Variants in POU6F2 observed in about 807,000 individuals in gnomAD.
POU6F2 encodes the protein POU class 6 homeobox 2.
In POU6F2, 31 loss-of-function variants were observed where a neutral mutation model predicts 71.3. The observed-to-expected ratio is 0.43, with a 90% CI of 0.33 to 0.59. The LOEUF (loss-of-function observed/expected upper bound fraction) is 0.59, where lower values mean the gene tolerates loss of function less well. Ranked by LOEUF, POU6F2 falls within the 20% of genes least tolerant of loss-of-function variation. POU6F2 has a pLI of 0.04. For missense variants in POU6F2, 783 were observed against 856.8 expected, an observed-to-expected ratio of 0.91 and a Z score of 1.07; for synonymous variants, 347 against 355.7, an observed-to-expected ratio of 0.98 and a Z score of 0.27.
At chr7:39,229,122 C>T (rs1158200417) in intron 4 of POU6F2, among the ~76,000 whole-genome samples, 2 of 152,206 alleles carry the variant, frequency 1.3e-5, no homozygotes, top group Non-Finnish European at 2.9e-5. Flanking sequence ...GCCTTAAATG[C>T]ATGCTGTTTC....
chr7:39,283,320 G>A (rs868137818), intron 4 of POU6F2, among the ~76,000 whole-genome samples: 4 of 151,330 alleles, frequency 2.6e-5, no homozygotes, highest in Admixed American at 6.6e-5. Flanking sequence ...TATTTCAGTC[G>A]TACTAAGTAC....
At chr7:39,058,795 T>G (rs1790589800) in intron 1 of POU6F2, among the ~76,000 whole-genome samples, 1 of 152,208 alleles carries the variant, frequency 6.6e-6, no homozygotes, top group South Asian at 2.1e-4. Flanking sequence ...GTAATACAAA[T>G]GATGGAGGGA....
intron 4 of POU6F2, among the ~76,000 whole-genome samples, chr7:39,331,608 A>G (rs1785652162): frequency 6.6e-6 from 1 of 152,038 alleles, no homozygotes; most frequent in African/African-American, 2.4e-5. Flanking sequence ...CCTGGGTCCA[A>G]GCGATTCTCC....
chr7:39,040,263 A>C (rs952154237), intron 1 of POU6F2, among the ~76,000 whole-genome samples: 4 of 148,648 alleles, frequency 2.7e-5, no homozygotes, highest in Middle Eastern at 6.9e-3. Flanking sequence ...GTACAAAAAA[A>C]CATTAATTTC....
chr7:39,464,093 C>T lies in POU6F2; in HGVS notation c.1659-89C>T. 6.7e-7 allele frequency: 1 copy of T among 1,485,784 alleles called. No homozygotes were observed. The highest frequency in any genetic ancestry group is 2.0e-5 in the Admixed American group (1 of 49,882). The allele number at this position is 1,485,784 out of a possible 1,614,324, so 92.0% of individuals were successfully genotyped here. Reference sequence around the variant, plus strand: ...TGGCTATTAACCTGCAGTAAATTCGCCCTGCCAGGCAGTCAGGCAGGCAGG... The same window carrying T: ...TGGCTATTAACCTGCAGTAAATTCGTCCTGCCAGGCAGTCAGGCAGGCAGG... On this transcript the variant is annotated intron_variant, in intron 9 of 9. Transcript: ENST00000518318. This position sits in a 1 kb window ranked among gnomAD's most constrained non-coding sequence, Gnocchi z 4.1.
At position 39,046,636 on chromosome 7, in the gene POU6F2, A is replaced by G. The variant is rs901081094; in HGVS notation, c.106-39224A>G. Among the ~76,000 whole-genome samples, 5 of 152,014 alleles carry G rather than the reference A, an allele frequency of 3.3e-5. No homozygotes were observed. In the East Asian group the frequency reaches 9.7e-4, roughly 30 times the overall value. On this transcript the variant is annotated intron_variant, in intron 1 of 9. Coordinates refer to ENST00000518318, the MANE Select transcript of POU6F2 (RefSeq NM_001370959.1). ...ATGTTGAGCCAGATAATTCTTTGTC[A>G]TGGGAGCCTGTCTTTTTCATTCCAG...
chr7:39,422,584 G>T (rs751216924), intron 6 of POU6F2, among the ~76,000 whole-genome samples: 25 of 152,300 alleles, frequency 1.6e-4, no homozygotes, highest in Middle Eastern at 3.4e-3. Context: ...AGTAAGAAAT[G>T]CATAGGATCC....
chr7:39,219,805 A>C (rs1366341444), intron 4 of POU6F2, among the ~76,000 whole-genome samples: 1 of 152,218 alleles, frequency 6.6e-6, no homozygotes, highest in Non-Finnish European at 1.5e-5. Context: ...ACACATTTTT[A>C]TGCATCTCAG....
intron 1 of POU6F2, among the ~76,000 whole-genome samples, chr7:39,082,035 A>T (rs1236260866): frequency 6.6e-6 from 1 of 152,194 alleles, no homozygotes; most frequent in Non-Finnish European, 1.5e-5. Flanking sequence ...GTAACATTAG[A>T]TCCATCTGAG....
At chr7:39,278,234 A>G (rs1300768712) in intron 4 of POU6F2, among the ~76,000 whole-genome samples, 1 of 152,112 alleles carries the variant, frequency 6.6e-6, no homozygotes, top group Non-Finnish European at 1.5e-5. Flanking sequence ...AGCTCCTGAG[A>G]TAGGATCCAT....
chr7:39,125,310 A>G (rs1367674093), intron 2 of POU6F2, among the ~76,000 whole-genome samples: 1 of 152,164 alleles, frequency 6.6e-6, no homozygotes, highest in Non-Finnish European at 1.5e-5. Flanking sequence ...GTTAGATGGT[A>G]TTTTTAAAGC....
At chr7:39,395,136 T>G (rs1255357568) in intron 5 of POU6F2, among the ~76,000 whole-genome samples, 1 of 152,176 alleles carries the variant, frequency 6.6e-6, no homozygotes, top group East Asian at 1.9e-4. Context: ...AAAGTTCACA[T>G]CTGATCATGT....
Position 39,317,969 on chromosome 7 carries a change from G to A in POU6F2, c.599-21673G>A, listed in dbSNP as rs142409961. Among the ~76,000 whole-genome samples, 35 of 152,146 alleles carry A rather than the reference G, an allele frequency of 2.3e-4. 1 individual carries two copies. The highest frequency in any genetic ancestry group is 1.4e-3 in the East Asian group (7 of 5,174). ...CTGTGGTGAGCCTCTTAAAGACTTC[G>A]CCCTTCATTTTCCCTTTCTTCGCAG... On this transcript the variant is annotated intron_variant, in intron 4 of 9. Coordinates refer to ENST00000518318, the MANE Select transcript of POU6F2 (RefSeq NM_001370959.1).
At chr7:39,165,848 G>A (rs1793103135) in intron 2 of POU6F2, among the ~76,000 whole-genome samples, 1 of 152,178 alleles carries the variant, frequency 6.6e-6, no homozygotes, top group South Asian at 2.1e-4. Context: ...ATACAAATTA[G>A]GAACTGACCA....
intron 4 of POU6F2, among the ~76,000 whole-genome samples, chr7:39,268,359 G>A (rs1419013186): frequency 6.6e-6 from 1 of 152,122 alleles, no homozygotes; most frequent in Non-Finnish European, 1.5e-5. Context: ...GTCTGTACTT[G>A]TGGGACAATC....
At chr7:39,237,510 T>C (rs1794695334) in intron 4 of POU6F2, among the ~76,000 whole-genome samples, 1 of 152,182 alleles carries the variant, frequency 6.6e-6, no homozygotes, top group South Asian at 2.1e-4. Context: ...AATTACGTGT[T>C]CGCTGTGTCC....
chr7:39,406,646 C>G lies in POU6F2; in HGVS notation c.1019C>G (p.Ala340Gly). The change falls in exon 6 of 10, where the codon GCC becomes GGC. Residue 340 changes from alanine (A) to glycine (G), a missense_variant. Transcript: ENST00000518318. ...AGTCAGGCTGCAGCGGCTGCAGCAGCCATGAGCTCCATAGCAAGCTCACAG... is the reference window on the plus strand; with the variant it reads ...AGTCAGGCTGCAGCGGCTGCAGCAGGCATGAGCTCCATAGCAAGCTCACAG... ...LASQAAAAAA[A>G]MSSIASSQAF... 2 of 1,613,758 alleles carry G rather than the reference C, an allele frequency of 1.2e-6. No individual in the cohort carries two copies. Among genetic ancestry groups the G allele is most frequent in the Non-Finnish European group, 1.7e-6 (2 of 1,179,854 alleles).
intron 4 of POU6F2, among the ~76,000 whole-genome samples, chr7:39,212,076 AT>A (rs539891405): frequency 2.1e-4 from 32 of 152,196 alleles, no homozygotes; most frequent in Non-Finnish European, 4.3e-4. Context: ...GAGCCTTTTA[AT>A]TTAAGCTATC....
intron 1 of POU6F2, among the ~76,000 whole-genome samples, chr7:38,989,196 G>T (rs1420289295): frequency 1.3e-5 from 2 of 152,026 alleles, no homozygotes; most frequent in Non-Finnish European, 2.9e-5. Flanking sequence ...GCCTTTAGAT[G>T]TGTCCGACTT....
Sources: gnomAD v4.1 joint callset for allele counts (sites outside exome capture counted in the v4.1 genomes callset) on GRCh38, gnomAD v4.1.1 for gene constraint, Gnocchi (gnomAD v3.1) non-coding constraint, MANE v1.5 for transcripts, NCBI Gene and HGNC (gene_info 2026-07-23, HGNC 2026-07-21) for gene names.